Variants in CSMD1 observed in about 807,000 individuals in gnomAD.
The protein encoded by CSMD1 is CUB and Sushi multiple domains 1, also known as CUB and sushi domain-containing protein 1.
CSMD1 carries 213 observed loss-of-function variants against 417.5 expected under a neutral mutation model. The observed-to-expected ratio is 0.51, with a 90% CI of 0.46 to 0.57. CSMD1 has a LOEUF of 0.57. CSMD1 is among the 20% of genes least tolerant of loss of function. CSMD1 has a pLI of 0.00. For missense variants in CSMD1, 6,923 were observed against 4,529.7 expected, an observed-to-expected ratio of 1.53 and a Z score of -15.17; for synonymous variants, 2,862 against 1,736.8, an observed-to-expected ratio of 1.65 and a Z score of -16.11.
rs73500676 is a variant in CSMD1 at position 4,289,351 on chromosome 8, C to T, written c.415+130602G>A. Among the ~76,000 whole-genome samples the T allele has an allele frequency of 2.4e-3, 372 of 152,210 alleles. 2 individuals carry two copies. Among genetic ancestry groups the T allele is most frequent in the African/African-American group, 8.7e-3 (360 of 41,546 alleles). ...TCCCATACATTTAAAATACATTTAA[C>T]TTTTCTTATAGGTAAGATAGATTAA... On this transcript the variant is annotated intron_variant, in intron 3 of 69. Transcript: ENST00000635120.
At chr8:4,343,616 G>C (rs891804241) in intron 3 of CSMD1, among the ~76,000 whole-genome samples, 1 of 152,066 alleles carries the variant, frequency 6.6e-6, no homozygotes, top group Non-Finnish European at 1.5e-5. Flanking sequence ...AACCCAAAAA[G>C]CAGACTATGT....
At chr8:4,792,519 G>C (rs939488364) in intron 1 of CSMD1, among the ~76,000 whole-genome samples, 2 of 152,104 alleles carry the variant, frequency 1.3e-5, no homozygotes, top group African/African-American at 2.4e-5. Flanking sequence ...GTTGCTGTCT[G>C]TGCTTTGGGT....
chr8:4,754,753 G>A (rs749838106), intron 1 of CSMD1, among the ~76,000 whole-genome samples: 4 of 152,090 alleles, frequency 2.6e-5, no homozygotes, highest in African/African-American at 7.2e-5. Flanking sequence ...GGAGGCTGAG[G>A]CAGGAGATTC....
intron 25 of CSMD1, among the ~76,000 whole-genome samples, chr8:3,292,460 C>G (rs576617393): frequency 6.6e-6 from 1 of 152,158 alleles, no homozygotes; most frequent in African/African-American, 2.4e-5. Flanking sequence ...GTGTGGGTGT[C>G]TGAGTCTCTT....
intron 1 of CSMD1, among the ~76,000 whole-genome samples, chr8:4,737,839 G>T (rs934260107): frequency 6.6e-6 from 1 of 152,198 alleles, no homozygotes; most frequent in Admixed American, 6.5e-5. Context: ...GTAGGAAAGG[G>T]AGGAGGAGTC....
At chr8:4,802,348 CGCGCGTGTGT>C (rs1563432268) in intron 1 of CSMD1, among the ~76,000 whole-genome samples, 106 of 140,788 alleles carry the variant, frequency 7.5e-4, no homozygotes, top group African/African-American at 3.1e-3. Flanking sequence ...TGAGTGTGTG[CGCGCGTGTGT>C]GTGTGTGTGT....
intron 1 of CSMD1, among the ~76,000 whole-genome samples, chr8:4,815,560 G>A (rs150167623): frequency 0.044 from 6,724 of 151,746 alleles, 171 homozygotes; most frequent in African/African-American, 0.065. Context: ...GCCAGGCATG[G>A]TGACACATGC....
intron 3 of CSMD1, among the ~76,000 whole-genome samples, chr8:4,186,862 GTTGA>G (rs1798708459): frequency 6.6e-6 from 1 of 151,640 alleles, no homozygotes; most frequent in Non-Finnish European, 1.5e-5. Flanking sequence ...CGGGCGTGGT[GTTGA>G]GTGCCTGTAG....
chr8:4,184,863 C>T (rs2131190026), intron 3 of CSMD1, among the ~76,000 whole-genome samples: 1 of 152,062 alleles, frequency 6.6e-6, no homozygotes, highest in South Asian at 2.1e-4. Context: ...TTTCGGAGGC[C>T]AAGGTGGGTG....
At chr8:3,433,861 T>C (rs1176486028) in intron 12 of CSMD1, among the ~76,000 whole-genome samples, 1 of 152,192 alleles carries the variant, frequency 6.6e-6, no homozygotes, top group African/African-American at 2.4e-5. Flanking sequence ...GCACTGGAAA[T>C]TGCTTCCTGC....
intron 20 of CSMD1, among the ~76,000 whole-genome samples, chr8:3,366,741 C>T (rs940452438): frequency 1.3e-5 from 2 of 152,084 alleles, no homozygotes; most frequent in African/African-American, 4.8e-5. Flanking sequence ...TGAAGAGAAT[C>T]GAGTGAGAAG....
intron 49 of CSMD1, among the ~76,000 whole-genome samples, chr8:3,061,033 T>G (rs12545870): frequency 6.6e-6 from 1 of 152,174 alleles, no homozygotes; most frequent in Non-Finnish European, 1.5e-5. Context: ...AAGATTTGTA[T>G]AGTTATTTTA....
intron 3 of CSMD1, among the ~76,000 whole-genome samples, chr8:4,211,787 T>C (rs564871340): frequency 4.6e-5 from 7 of 152,298 alleles, no homozygotes; most frequent in African/African-American, 1.7e-4. Flanking sequence ...CTTCAAACTG[T>C]TTTTACATAC....
chr8:3,003,523 G>A (rs139938127), intron 52 of CSMD1, among the ~76,000 whole-genome samples: 4 of 152,302 alleles, frequency 2.6e-5, no homozygotes, highest in African/African-American at 9.6e-5. Context: ...GGGCAGTCAT[G>A]TCCTTTACAT....
chr8:4,030,115 C>T (rs1413785129), intron 4 of CSMD1, among the ~76,000 whole-genome samples: 5 of 152,180 alleles, frequency 3.3e-5, no homozygotes, highest in Non-Finnish European at 7.4e-5. Context: ...TAACTGTCTG[C>T]AGCTTTTCCA....
chr8:3,779,430 G>T (rs1799060775), intron 5 of CSMD1, among the ~76,000 whole-genome samples: 1 of 152,088 alleles, frequency 6.6e-6, no homozygotes, highest in Non-Finnish European at 1.5e-5. Flanking sequence ...CATCAAGAAA[G>T]ATCGTTTAAG....
intron 5 of CSMD1, among the ~76,000 whole-genome samples, chr8:3,787,613 T>C (rs1005973737): frequency 6.6e-6 from 1 of 152,314 alleles, no homozygotes; most frequent in Admixed American, 6.5e-5. Context: ...CAGTTAATTC[T>C]GTATAAGTAT....
At position 3,271,579 on chromosome 8, in the gene CSMD1, C is replaced by T. The variant is rs1380534269; in HGVS notation, c.4153+12565G>A. 3.3e-5 allele frequency among the ~76,000 whole-genome samples: 5 copies of T among 151,920 alleles called. No homozygotes were observed. The South Asian group carries it at 1.0e-3, about 32-fold the overall frequency. On this transcript the variant is annotated intron_variant, in intron 26 of 69. Transcript: ENST00000635120. ...AAGTGTTCCTATTTCTCCACATCCT[C>T]TCCAGCACCTGTTGTTTCCTCACTT...
chr8:4,651,523 C>G (rs1051074232), intron 1 of CSMD1, among the ~76,000 whole-genome samples: 1 of 152,136 alleles, frequency 6.6e-6, no homozygotes, highest in Non-Finnish European at 1.5e-5. Flanking sequence ...ATAAAGTTTA[C>G]TGGTTTCTCT....
Sources: allele counts gnomAD v4.1 joint callset (sites outside exome capture counted in the v4.1 genomes callset), GRCh38; gene constraint gnomAD v4.1.1; transcripts MANE v1.5; gene names NCBI Gene and HGNC (gene_info 2026-07-23, HGNC 2026-07-21).